The following JPH2 variants were observed in gnomAD, a reference collection of about 807,000 sequenced individuals.
The protein encoded by JPH2 is junctophilin-2.
In JPH2, 38 loss-of-function variants were observed where a neutral mutation model predicts 55.9. That is an observed-to-expected ratio of 0.68 (90% CI 0.52 to 0.89). The LOEUF (loss-of-function observed/expected upper bound fraction) is 0.89, where lower values mean the gene tolerates loss of function less well. JPH2 is among the 40% of genes least tolerant of loss of function. The probability of loss-of-function intolerance (pLI) is 0.00; values close to 1 mark genes in which losing one functional copy is unlikely to be tolerated. For synonymous variants in JPH2, 480 were observed against 472.4 expected, an observed-to-expected ratio of 1.02 and a Z score of -0.21; for missense variants, 964 against 1,037.6, an observed-to-expected ratio of 0.93 and a Z score of 0.97.
At chr20:44,139,140 C>G (rs974094083) in intron 2 of JPH2, among the ~76,000 whole-genome samples, 57 of 152,150 alleles carry the variant, frequency 3.7e-4, no homozygotes, top group African/African-American at 1.3e-3. Flanking sequence ...GAATCTGGGC[C>G]GGCTTTTTTC....
chr20:44,150,246 G>T (rs533508064), intron 2 of JPH2, among the ~76,000 whole-genome samples: 79 of 152,238 alleles, frequency 5.2e-4, no homozygotes, highest in Non-Finnish European at 6.0e-4. Flanking sequence ...TTAGGACACA[G>T]CTCCCAACCT....
chr20:44,145,788 C>T (rs1049655105), intron 2 of JPH2, among the ~76,000 whole-genome samples: 2 of 152,104 alleles, frequency 1.3e-5, no homozygotes, highest in African/African-American at 2.4e-5. Flanking sequence ...ACCCTGCCTT[C>T]CAGCCACACT....
intron 1 of JPH2, chr20:44,177,603 T>C: frequency 8.5e-7 from 1 of 1,172,506 alleles, no homozygotes; most frequent in African/African-American, 1.6e-5. Flanking sequence ...GTCACGCTGA[T>C]GCCTGGCTGT....
chr20:44,122,230 A>C (rs901866838), intron 2 of JPH2, among the ~76,000 whole-genome samples: 1 of 152,172 alleles, frequency 6.6e-6, no homozygotes, highest in Non-Finnish European at 1.5e-5. Context: ...ACATGGCTGA[A>C]GGCACGCATG....
At chr20:44,145,603 C>CAAA (rs200580349) in intron 2 of JPH2, among the ~76,000 whole-genome samples, 1 of 118,006 alleles carries the variant, frequency 8.5e-6, no homozygotes. Context: ...AACTCGATCT[C>CAAA]AAAAAAAAAA....
chr20:44,156,115 A>G (rs148852815), intron 2 of JPH2, among the ~76,000 whole-genome samples: 55 of 152,236 alleles, frequency 3.6e-4, no homozygotes, highest in African/African-American at 1.2e-3. Context: ...AACCAAGGAG[A>G]TCTGACAACT....
At position 44,114,880 on chromosome 20, in the gene JPH2, G is replaced by C. The variant is rs1306877624; in HGVS notation, c.2011-4C>G. The C allele has an allele frequency of 6.3e-7, 1 of 1,596,624 alleles. No homozygotes were observed. The highest frequency in any genetic ancestry group is 8.5e-7 in the Non-Finnish European group (1 of 1,172,418). On this transcript the variant is annotated splice_polypyrimidine_tract_variant and splice_region_variant and intron_variant, in intron 4 of 5. Transcript: ENST00000372980. ...AGATGAGGATGGTGTTGGGGACCTG[G>C]GAGCAGTGGAGAGAGGCTTCCTGAG...
At chr20:44,183,885 T>C (rs1456145754) in intron 1 of JPH2, among the ~76,000 whole-genome samples, 1 of 152,048 alleles carries the variant, frequency 6.6e-6, no homozygotes, top group Non-Finnish European at 1.5e-5. Context: ...GGTGTGATGG[T>C]TCACACCTGT....
intron 2 of JPH2, among the ~76,000 whole-genome samples, chr20:44,131,627 G>T (rs570825663): frequency 6.6e-6 from 1 of 152,288 alleles, no homozygotes; most frequent in East Asian, 1.9e-4. Flanking sequence ...CACTATCGAA[G>T]GGTTAGCTGT....
intron 1 of JPH2, among the ~76,000 whole-genome samples, chr20:44,183,398 G>C (rs984838599): frequency 6.6e-6 from 1 of 152,180 alleles, no homozygotes; most frequent in Admixed American, 6.5e-5. Context: ...AGCCAGTGCC[G>C]GGTAGCAGCC....
At chr20:44,158,713 G>A (rs1311458428) in intron 2 of JPH2, among the ~76,000 whole-genome samples, 1 of 152,188 alleles carries the variant, frequency 6.6e-6, no homozygotes, top group Non-Finnish European at 1.5e-5. Context: ...GATAGGTGGG[G>A]GAGGTTGAAT....
intron 2 of JPH2, among the ~76,000 whole-genome samples, chr20:44,119,924 C>T: frequency 6.6e-6 from 1 of 151,578 alleles, no homozygotes; most frequent in Non-Finnish European, 1.5e-5. Context: ...TAAACCTAGG[C>T]AGCCCATACC....
At chr20:44,138,164 C>G (rs1016807849) in intron 2 of JPH2, among the ~76,000 whole-genome samples, 3 of 151,726 alleles carry the variant, frequency 2.0e-5, no homozygotes, top group African/African-American at 7.3e-5. Context: ...CCCGCCACCA[C>G]GCCCGGCCAA....
intron 1 of JPH2, among the ~76,000 whole-genome samples, chr20:44,164,596 TG>T (rs2072640595): frequency 6.6e-6 from 1 of 152,072 alleles, no homozygotes; most frequent in African/African-American, 2.4e-5. Flanking sequence ...AACACATGAA[TG>T]GGTCTCCAAA....
At chr20:44,122,641 GGA>G in intron 2 of JPH2, among the ~76,000 whole-genome samples, 1 of 152,222 alleles carries the variant, frequency 6.6e-6, no homozygotes, top group South Asian at 2.1e-4. Context: ...TCTGTAAAGT[GGA>G]GATAGTAATT....
intron 1 of JPH2, chr20:44,177,933 A>T (rs990635770): frequency 7.1e-7 from 1 of 1,415,552 alleles, no homozygotes; most frequent in Admixed American, 1.7e-5. Flanking sequence ...GTCTTGTTTC[A>T]TTGTCTCGAC....
At position 44,180,420 on chromosome 20, in the gene JPH2, C is replaced by T. The variant is rs186851059; in HGVS notation, c.379+5907G>A. Among the ~76,000 whole-genome samples, 4 of 152,124 alleles carry T rather than the reference C, an allele frequency of 2.6e-5. No homozygotes were observed. The East Asian group carries it at 7.7e-4, about 29-fold the overall frequency. ...GATCATGGCTCACTGCAGCCTCGAC[C>T]TCCCGGGCTCAAGCGATCCTCCCAC... On this transcript the variant is annotated intron_variant, in intron 1 of 5. Coordinates refer to ENST00000372980, the MANE Select transcript of JPH2 (RefSeq NM_020433.5).
rs2072358311 is a variant in JPH2 at position 44,134,145 on chromosome 20, TATTTATTATAAATATATA to T, written c.1170-15540_1170-15523del. ...TATTTATTATAAATATATAAATAAA[TATTTATTATAAATATATA>T]AATATTTATTATAAATATATAAATA... is the stretch of plus-strand genomic sequence containing the variant. On this transcript the variant is annotated intron_variant, in intron 2 of 5. Transcript: ENST00000372980. 6.7e-5 allele frequency among the ~76,000 whole-genome samples: 2 copies of T among 29,930 alleles called. 1 individual carries two copies. The highest frequency in any genetic ancestry group is 1.2e-4 in the Non-Finnish European group (2 of 16,408). The allele number at this position is 29,930 out of a possible 152,430, so 19.6% of individuals were successfully genotyped here. A position where few individuals can be genotyped will look rare whatever the true frequency, so the allele number is the denominator to read the frequency against.
At chr20:44,143,525 C>T (rs1026559745) in intron 2 of JPH2, among the ~76,000 whole-genome samples, 1 of 152,228 alleles carries the variant, frequency 6.6e-6, no homozygotes, top group Non-Finnish European at 1.5e-5. Flanking sequence ...ACGGACAATG[C>T]TGCAGATACT....
Sources: allele counts gnomAD v4.1 joint callset (sites outside exome capture counted in the v4.1 genomes callset), GRCh38; gene constraint gnomAD v4.1.1; transcripts MANE v1.5; gene names NCBI Gene and HGNC (gene_info 2026-07-23, HGNC 2026-07-21).